The following RTF1 variants were observed in gnomAD, a reference collection of about 807,000 sequenced individuals.
The protein encoded by RTF1 is RNA polymerase-associated protein RTF1 homolog.
In RTF1, 10 loss-of-function variants were observed where a neutral mutation model predicts 95.7. The ratio of observed to expected loss-of-function variants is 0.10; its 90% CI spans 0.06 to 0.18. The LOEUF (loss-of-function observed/expected upper bound fraction) is 0.18, where lower values mean the gene tolerates loss of function less well. Among genes scored for constraint, RTF1 ranks in the 10% least tolerant of loss-of-function variants. The probability of loss-of-function intolerance (pLI) is 1.00; values close to 1 mark genes in which losing one functional copy is unlikely to be tolerated. For missense variants in RTF1, 458 were observed against 875.6 expected, an observed-to-expected ratio of 0.52 and a Z score of 6.02; for synonymous variants, 305 against 311.8, an observed-to-expected ratio of 0.98 and a Z score of 0.23.
At chr15:41,422,986 C>CTGG (rs1169246360) in intron 1 of RTF1, among the ~76,000 whole-genome samples, 2 of 152,088 alleles carry the variant, frequency 1.3e-5, no homozygotes, top group Non-Finnish European at 2.9e-5. Flanking sequence ...CTTGGCCAGG[C>CTGG]TGGTCTTGAA....
intron 11 of RTF1, 65 bp from the exon 12 acceptor site, chr15:41,476,381 C>T: frequency 7.3e-7 from 1 of 1,370,950 alleles, no homozygotes; most frequent in East Asian, 2.3e-5. Flanking sequence ...AAAATGGGCT[C>T]ACTTAGCCTG....
intron 1 of RTF1, among the ~76,000 whole-genome samples, chr15:41,437,113 A>C (rs750866225): frequency 2.0e-5 from 3 of 151,564 alleles, no homozygotes; most frequent in Non-Finnish European, 4.4e-5. Flanking sequence ...AAAAACCAAG[A>C]ACAACAAAAA....
Position 41,464,802 on chromosome 15 carries a change from AAAAAGAAAG to A in RTF1, c.711_719del (p.Glu238_Lys240del), listed in dbSNP as rs765959820. The A allele has an allele frequency of 1.7e-5, 27 of 1,573,552 alleles. No individual in the cohort carries two copies. Among genetic ancestry groups the A allele is most frequent in the Non-Finnish European group, 2.1e-5 (24 of 1,162,528 alleles). ...AATCAAGAAAAAACTAAAAACAGCC[AAAAAGAAAG>A]AAAAGAAAGAAAAGAAGAAAAAGCA... On this transcript the variant is annotated inframe_deletion, in exon 5 of 18. Transcript: ENST00000389629.
intron 5 of RTF1, among the ~76,000 whole-genome samples, chr15:41,465,457 G>A (rs564292726): frequency 6.6e-5 from 10 of 152,214 alleles, no homozygotes; most frequent in East Asian, 3.9e-4. Flanking sequence ...CCTGGCCAAC[G>A]TGGCGAAATC....
chr15:41,457,051 A>G (rs920604747), intron 3 of RTF1, among the ~76,000 whole-genome samples: 3 of 151,952 alleles, frequency 2.0e-5, no homozygotes, highest in Non-Finnish European at 4.4e-5. Context: ...ACACCACTGC[A>G]CTCCAGCCTG....
intron 4 of RTF1, among the ~76,000 whole-genome samples, chr15:41,461,188 G>A (rs574442108): frequency 1.1e-3 from 172 of 151,928 alleles, no homozygotes; most frequent in Non-Finnish European, 2.2e-3. Context: ...GATTACAGGC[G>A]CCCACCACCA....
chr15:41,473,494 C>T lies in RTF1; in HGVS notation c.1204-1126C>T, dbSNP rs187247299. ...CTTAACCATGTTGCCCAGGCTAATC[C>T]GGAACTCCTGGACTCAAGCCATCTT... On this transcript the variant is annotated intron_variant, in intron 8 of 17. Transcript: ENST00000389629. Among the ~76,000 whole-genome samples the T allele has an allele frequency of 2.4e-3, 363 of 151,242 alleles. 1 individual carries two copies. The highest frequency in any genetic ancestry group is 8.3e-3 in the African/African-American group (343 of 41,186).
rs183323577 is a variant in RTF1, at chr15:41,461,884, C to T, written c.663-2887C>T. On this transcript the variant is annotated intron_variant, in intron 4 of 17. Coordinates refer to ENST00000389629, the MANE Select transcript of RTF1 (RefSeq NM_015138.5). ...CTTTCCAAAGTGCTGGGATTACAGG[C>T]GTGAGCCACCTCTCCTGGCCCTGTA... is the stretch of plus-strand genomic sequence containing the variant. Among the ~76,000 whole-genome samples the T allele has an allele frequency of 2.6e-3, 385 of 150,544 alleles. 2 individuals carry two copies. Among genetic ancestry groups the T allele is most frequent in the South Asian group, 6.4e-3 (30 of 4,714 alleles).
At chr15:41,455,152 A>G (rs1225695708) in intron 3 of RTF1, among the ~76,000 whole-genome samples, 2 of 151,888 alleles carry the variant, frequency 1.3e-5, no homozygotes, top group African/African-American at 4.8e-5. Flanking sequence ...CGTCTCTACT[A>G]AAAATACAAA....
At chr15:41,457,105 G>C (rs1056658068) in intron 3 of RTF1, among the ~76,000 whole-genome samples, 6 of 151,162 alleles carry the variant, frequency 4.0e-5, no homozygotes, top group Non-Finnish European at 7.4e-5. Context: ...TAATAAATAA[G>C]ATGGGGCCAG....
At chr15:41,461,349 T>G (rs2050847627) in intron 4 of RTF1, among the ~76,000 whole-genome samples, 1 of 151,256 alleles carries the variant, frequency 6.6e-6, no homozygotes, top group African/African-American at 2.4e-5. Context: ...GCCTGGCCAA[T>G]TTTTGTATTT....
intron 8 of RTF1, among the ~76,000 whole-genome samples, chr15:41,474,153 A>G (rs148269498): frequency 1.2e-3 from 182 of 152,296 alleles, no homozygotes; most frequent in African/African-American, 4.3e-3. Context: ...CTGGAATTAC[A>G]GGCCTGAACC....
At position 41,477,643 on chromosome 15, in the gene RTF1, CTCTG is replaced by C. The variant is rs553219592; in HGVS notation, c.1740+130_1740+133del. 1.2e-5 allele frequency: 9 copies of C among 765,542 alleles called. No homozygotes were observed. In the East Asian group the frequency reaches 1.3e-4, roughly 11 times the overall value. 47.4% of individuals were successfully genotyped at this position (765,542 alleles called of 1,614,324 possible). ...TAGGCACTTAACGTATACACACTCTCTCTGTATGTCCACGTACATCGATATAATT... is the reference window on the plus strand; with the variant it reads ...TAGGCACTTAACGTATACACACTCTCTATGTCCACGTACATCGATATAATT... On this transcript the variant is annotated intron_variant, in intron 14 of 17. Transcript: ENST00000389629.
chr15:41,475,258 T>C (rs1399485462), intron 9 of RTF1, among the ~76,000 whole-genome samples: 8 of 152,258 alleles, frequency 5.3e-5, no homozygotes, highest in Admixed American at 3.9e-4. Context: ...CCAGGCTCTG[T>C]TGCATATTGT....
intron 3 of RTF1, among the ~76,000 whole-genome samples, chr15:41,454,281 G>C (rs111943735): frequency 6.6e-6 from 1 of 151,856 alleles, no homozygotes; most frequent in Admixed American, 6.6e-5. Flanking sequence ...AGTAGAGATG[G>C]GGTTTCACCA....
chr15:41,442,607 C>G (rs957541750), intron 2 of RTF1, among the ~76,000 whole-genome samples: 2 of 152,018 alleles, frequency 1.3e-5, no homozygotes, highest in African/African-American at 2.4e-5. Context: ...ATTCTCGGGC[C>G]AGGCATGGTG....
intron 4 of RTF1, among the ~76,000 whole-genome samples, chr15:41,460,224 G>C (rs2050840816): frequency 1.3e-5 from 2 of 150,812 alleles, no homozygotes; most frequent in South Asian, 4.2e-4. Context: ...CTGGGTTCAA[G>C]TGATTCTCCT....
At chr15:41,437,339 CA>C (rs75683996) in intron 1 of RTF1, among the ~76,000 whole-genome samples, 178 of 137,326 alleles carry the variant, frequency 1.3e-3, no homozygotes, top group Non-Finnish European at 1.1e-3. Flanking sequence ...ACTAAAAATA[CA>C]AAAAAAAAAA....
intron 1 of RTF1, among the ~76,000 whole-genome samples, chr15:41,417,942 T>C (rs2050579955): frequency 6.6e-6 from 1 of 151,208 alleles, no homozygotes; most frequent in Non-Finnish European, 1.5e-5. Context: ...AAAAACACTC[T>C]TGGGTGGAGG....
Sources: gnomAD v4.1 joint callset for allele counts (sites outside exome capture counted in the v4.1 genomes callset) on GRCh38, gnomAD v4.1.1 for gene constraint, MANE v1.5 for transcripts, NCBI Gene and HGNC (gene_info 2026-07-23, HGNC 2026-07-21) for gene names.